The following UGGT1 variants were observed in gnomAD, a reference collection of about 807,000 sequenced individuals.
UGGT1 encodes UDP-glucose glycoprotein glucosyltransferase 1.
A neutral mutation model predicts 203.9 loss-of-function variants in UGGT1; 107 were observed. That is an observed-to-expected ratio of 0.52 (90% confidence interval 0.45 to 0.62). The LOEUF is 0.62. Ranked by LOEUF, UGGT1 falls within the 20% of genes least tolerant of loss-of-function variation. The pLI is 0.00. For synonymous variants in UGGT1, 628 were observed against 653.5 expected (o/e 0.96, Z 0.59); for missense variants, 1,673 against 1,867.2 (o/e 0.90, Z 1.92).
At position 128,190,879 on chromosome 2, in the gene UGGT1, G is replaced by C. The variant is rs1167134339; in HGVS notation, c.*1137G>C. The C allele has an allele frequency of 6.6e-6, 1 of 152,240 alleles. No individual in the cohort carries two copies. Among genetic ancestry groups the C allele is most frequent in the African/African-American group, 2.4e-5 (1 of 41,436 alleles). The allele number at this position is 152,240 out of a possible 1,614,324, so 9.4% of individuals were successfully genotyped here. A position where few individuals can be genotyped will look rare whatever the true frequency, so the allele number is the denominator to read the frequency against. Reference sequence around the variant, plus strand: ...GTGAGCCCTGCAGGTTGCCTTTGGCGCCCACACCAGTTCTGTCTTCATGTC... The same window carrying C: ...GTGAGCCCTGCAGGTTGCCTTTGGCCCCCACACCAGTTCTGTCTTCATGTC... On this transcript the variant is annotated 3_prime_UTR_variant, in exon 41 of 41. Coordinates refer to ENST00000259253, the MANE Select transcript of UGGT1 (RefSeq NM_020120.4).
At chr2:128,162,837 A>G (rs1310620727) in intron 25 of UGGT1, among the ~76,000 whole-genome samples, 5 of 152,186 alleles carry the variant, frequency 3.3e-5, no homozygotes, top group Admixed American at 3.3e-4. Flanking sequence ...GCCTTTTGCC[A>G]ATGAGAGATG....
At chr2:128,099,483 A>G (rs1261720493) in intron 2 of UGGT1, among the ~76,000 whole-genome samples, 1 of 152,164 alleles carries the variant, frequency 6.6e-6, no homozygotes, top group African/African-American at 2.4e-5. Context: ...CTTAATTCCT[A>G]GAAAAATGTG....
In UGGT1 at chr2:128,143,826, AT is replaced by A. The variant is rs202049261; in HGVS notation, c.1851+615del. 5.6e-3 allele frequency among the ~76,000 whole-genome samples: 821 copies of A among 145,446 alleles called. 5 individuals are homozygous for A. Among genetic ancestry groups the A allele is most frequent in the East Asian group, 0.042 (214 of 5,056 alleles). On this transcript the variant is annotated intron_variant, in intron 17 of 40. Coordinates refer to ENST00000259253, the MANE Select transcript of UGGT1 (RefSeq NM_020120.4). Reference sequence around the variant, plus strand: ...TCCTAACAATCTAATGACTAATGAGATTTTTTTTTTTTTTAACTACAGCAGC... The same window carrying A: ...TCCTAACAATCTAATGACTAATGAGATTTTTTTTTTTTTAACTACAGCAGC...
rs758511410 is a variant in UGGT1 at position 128,129,015 on chromosome 2, G to A, written c.1227-14G>A. Reference sequence around the variant, plus strand: ...TTTTTCCTAGTAAATATCTCTTTTTGTTTTTCCCCCCAGTCTGTTTGATGT... The same window carrying A: ...TTTTTCCTAGTAAATATCTCTTTTTATTTTTCCCCCCAGTCTGTTTGATGT... On this transcript the variant is annotated splice_polypyrimidine_tract_variant and intron_variant, in intron 12 of 40. Transcript: ENST00000259253. 7 of 1,524,498 alleles carry A rather than the reference G, an allele frequency of 4.6e-6. No homozygotes were observed. Among genetic ancestry groups the A allele is most frequent in the East Asian group, 4.8e-5 (2 of 41,276 alleles). The allele number at this position is 1,524,498 out of a possible 1,614,324, so 94.4% of individuals were successfully genotyped here.
intron 1 of UGGT1, among the ~76,000 whole-genome samples, chr2:128,095,435 T>C (rs79686753): frequency 2.9e-5 from 4 of 140,110 alleles, no homozygotes; most frequent in East Asian, 2.2e-4. Context: ...CCCTCCTCCT[T>C]CTCTTCCTCC....
Position 128,189,952 on chromosome 2 carries a change from A to G in UGGT1, c.*210A>G, listed in dbSNP as rs1317698681. 2 of 528,274 alleles carry G rather than the reference A, an allele frequency of 3.8e-6. No homozygotes were observed. Among genetic ancestry groups the G allele is most frequent in the Non-Finnish European group, 6.7e-6 (2 of 296,566 alleles). The allele number at this position is 528,274 out of a possible 1,614,324, so 32.7% of individuals were successfully genotyped here. On this transcript the variant is annotated 3_prime_UTR_variant, in exon 41 of 41. Transcript: ENST00000259253. ...CTCTGTTGGATTTGTACCTCAGAGG[A>G]AGACCAAGTGGCTGATCCTTTGGAC...
Position 128,133,162 on chromosome 2 carries a change from G to C in UGGT1, c.1399G>C (p.Asp467His), listed in dbSNP as rs1468410301. ...GTAGTGGGTCAACAACCTGGAGGTT[G>C]ATAGCAGATATAATTCGTGGCCTTC... is the stretch of plus-strand genomic sequence containing the variant. ...AISWVNNLEV[D>H]SRYNSWPSSL... Residue 467 changes from aspartate (D) to histidine (H), a missense_variant, in exon 14 of 41, where the codon GAT (aspartate) becomes CAT (histidine). By Grantham distance (81) the Asp-to-His change is moderately conservative. This residue lies in a region of UGGT1 where 1,073 missense variants were observed against 1,078.7 expected (regional missense o/e 0.99). Transcript: ENST00000259253. 4 of 1,613,924 alleles carry C rather than the reference G, an allele frequency of 2.5e-6. No homozygotes were observed. The South Asian group carries it at 4.4e-5, about 18-fold the overall frequency.
rs553891956 is a variant in UGGT1, at chr2:128,193,537, G to C, written c.*3795G>C. On this transcript the variant is annotated 3_prime_UTR_variant, in exon 41 of 41. Coordinates refer to ENST00000259253, the MANE Select transcript of UGGT1 (RefSeq NM_020120.4). ...GCCTCCCAAAGTGCTGGGATTACAG[G>C]CGTGAGCCACTATGTCCGGTCAAGC... The C allele has an allele frequency of 6.6e-6, 1 of 152,208 alleles. No homozygotes were observed. Among genetic ancestry groups the C allele is most frequent in the Non-Finnish European group, 1.5e-5 (1 of 68,252 alleles). 9.4% of individuals were successfully genotyped at this position (152,208 alleles called of 1,614,324 possible).
chr2:128,182,909 C>CTTTTTTTTTTT (rs372722115), intron 37 of UGGT1, among the ~76,000 whole-genome samples: 2 of 114,238 alleles, frequency 1.8e-5, no homozygotes, highest in African/African-American at 3.4e-5. Context: ...TGTAACTTGG[C>CTTTTTTTTTTT]TTTTTTTTTT....
intron 31 of UGGT1, among the ~76,000 whole-genome samples, chr2:128,176,070 C>T (rs1015724157): frequency 2.3e-4 from 35 of 152,292 alleles, no homozygotes; most frequent in African/African-American, 5.3e-4. Flanking sequence ...TTGTTGCCTC[C>T]GGCAGAAAGA....
Position 128,186,792 on chromosome 2 carries a change from T to C in UGGT1, c.4469T>C (p.Ile1490Thr). The C allele has an allele frequency of 6.2e-7, 1 of 1,612,150 alleles. No individual in the cohort carries two copies. Among genetic ancestry groups the C allele is most frequent in the Non-Finnish European group, 8.5e-7 (1 of 1,178,874 alleles). ...GCCTCTAAGAAAAGGGCAAAAACCATTGATTTGGTAAGCCGTATGTGGTGT... is the reference window on the plus strand; with the variant it reads ...GCCTCTAAGAAAAGGGCAAAAACCACTGATTTGGTAAGCCGTATGTGGTGT... The part of the protein sequence containing the change: ...DDASKKRAKT[I>T]DLCNNPMTKE... Residue 1490 changes from isoleucine to threonine, a missense_variant, in exon 39 of 41, where the codon ATT (isoleucine) becomes ACT (threonine). Ile to Thr is a moderately conservative substitution (Grantham distance 89). Coordinates refer to ENST00000259253, the MANE Select transcript of UGGT1 (RefSeq NM_020120.4).
intron 18 of UGGT1, among the ~76,000 whole-genome samples, chr2:128,147,237 T>G (rs1689735554): frequency 6.6e-6 from 1 of 152,220 alleles, no homozygotes; most frequent in Non-Finnish European, 1.5e-5. Context: ...ATCTTCAAAT[T>G]CACTTATTCT....
At chr2:128,151,583 A>T (rs1486667397) in intron 18 of UGGT1, among the ~76,000 whole-genome samples, 2 of 152,238 alleles carry the variant, frequency 1.3e-5, no homozygotes, top group African/African-American at 4.8e-5. Flanking sequence ...TTTAGACTTG[A>T]ATGTGTATAT....
chr2:128,103,078 G>C, intron 2 of UGGT1: 1 of 471,046 alleles, frequency 2.1e-6, no homozygotes. Context: ...TCTGTGTCTA[G>C]CTGTGGAGTA....
chr2:128,179,051 G>C (rs1441149823), intron 34 of UGGT1, among the ~76,000 whole-genome samples: 5 of 152,182 alleles, frequency 3.3e-5, no homozygotes, highest in African/African-American at 4.8e-5. Context: ...GCTACAGCCA[G>C]AAGAGGCCAC....
intron 16 of UGGT1, 28 bp downstream of exon 16, chr2:128,138,880 A>T (rs1208444593): frequency 6.2e-6 from 10 of 1,612,290 alleles, no homozygotes; most frequent in African/African-American, 5.3e-5. Context: ...ATGGCAAATA[A>T]TTTTTTCAGA....
At chr2:128,140,897 A>G (rs1440820491) in intron 16 of UGGT1, among the ~76,000 whole-genome samples, 2 of 152,046 alleles carry the variant, frequency 1.3e-5, no homozygotes, top group Non-Finnish European at 2.9e-5. Context: ...TATGTTTCCC[A>G]GGCTGGTCTC....
intron 1 of UGGT1, 97 bp downstream of exon 1, chr2:128,091,512 C>T: frequency 6.7e-7 from 1 of 1,496,734 alleles, no homozygotes; most frequent in Non-Finnish European, 8.9e-7. Flanking sequence ...TCCGCCTCTA[C>T]CGTGACTCAG....
chr2:128,134,951 A>G lies in UGGT1; in HGVS notation c.1573A>G (p.Ile525Val), dbSNP rs773747165. The G allele has an allele frequency of 1.1e-5, 18 of 1,611,980 alleles. No individual in the cohort carries two copies. Among genetic ancestry groups the G allele is most frequent in the African/African-American group, 1.3e-5 (1 of 74,902 alleles). Residue 525 changes from isoleucine (I) to valine (V), a missense_variant, in exon 15 of 41, where the codon ATA becomes GTA. Physicochemically the swap from Ile to Val is conservative, Grantham distance 29. Coordinates refer to ENST00000259253, the MANE Select transcript of UGGT1 (RefSeq NM_020120.4). ...AGCTGAGATGTTCCTTAGTAATCATATACCACTAAGGTAACACTGGTATTG... is the reference window on the plus strand; with the variant it reads ...AGCTGAGATGTTCCTTAGTAATCATGTACCACTAAGGTAACACTGGTATTG... ...NTAEMFLSNH[I>V]PLRIGFIFVV...
Sources: gnomAD v4.1 joint callset for allele counts (sites outside exome capture counted in the v4.1 genomes callset) on GRCh38, gnomAD v4.1.1 for gene constraint, gnomAD v4.1.1 regional missense constraint, MANE v1.5 for transcripts, NCBI Gene and HGNC (gene_info 2026-07-23, HGNC 2026-07-21) for gene names.